Variants in DOP1A observed in about 807,000 individuals in gnomAD.
The protein encoded by DOP1A is DOP1 leucine zipper like protein A, also known as protein DOP1A.
Under a neutral mutation model 267.6 loss-of-function variants are expected in DOP1A, and 90 were observed. The observed-to-expected ratio is 0.34, with a 90% CI of 0.28 to 0.40. The LOEUF (loss-of-function observed/expected upper bound fraction) is 0.40, where lower values mean the gene tolerates loss of function less well. Ranked by LOEUF, DOP1A falls within the 10% of genes least tolerant of loss-of-function variation. The pLI is 1.00. For synonymous variants in DOP1A, 932 were observed against 999.1 expected (o/e 0.93, Z 1.27); for missense variants, 2,437 against 2,900.4 (o/e 0.84, Z 3.67).
chr6:83,071,020 G>A (rs893955800), intron 1 of DOP1A, among the ~76,000 whole-genome samples: 26 of 152,292 alleles, frequency 1.7e-4, no homozygotes, highest in African/African-American at 2.9e-4. Context: ...GGACGTATAC[G>A]TAAAAATAAT....
intron 38 of DOP1A, chr6:83,164,533 A>T (rs1784982554): frequency 2.2e-6 from 2 of 921,338 alleles, no homozygotes; most frequent in Non-Finnish European, 3.4e-6. Flanking sequence ...AATTTGTCCC[A>T]CAGAATAAGA....
intron 38 of DOP1A, chr6:83,166,670 G>T (rs1265283804): frequency 7.9e-7 from 1 of 1,270,278 alleles, no homozygotes; most frequent in Non-Finnish European, 1.0e-6. Context: ...CCGCAATTAC[G>T]TTTGCACCAA....
chr6:83,086,328 A>G (rs746369707), intron 1 of DOP1A, among the ~76,000 whole-genome samples: 2 of 152,202 alleles, frequency 1.3e-5, no homozygotes, highest in Non-Finnish European at 2.9e-5. Context: ...AAGAGAAAAT[A>G]TATGTACTGT....
At chr6:83,132,384 CAAA>C (rs1778203020) in intron 18 of DOP1A, 56 bp downstream of exon 18, 1 of 909,286 alleles carries the variant, frequency 1.1e-6, no homozygotes, top group East Asian at 3.8e-5. Context: ...CACACACACA[CAAA>C]TACTGAAAAG....
intron 24 of DOP1A, among the ~76,000 whole-genome samples, chr6:83,144,423 AT>A (rs1780147633): frequency 6.6e-6 from 1 of 152,170 alleles, no homozygotes; most frequent in Non-Finnish European, 1.5e-5. Flanking sequence ...TGAATATGTA[AT>A]TAGAGATTTA....
At chr6:83,104,688 A>T (rs965567514) in intron 4 of DOP1A, among the ~76,000 whole-genome samples, 1 of 152,038 alleles carries the variant, frequency 6.6e-6, no homozygotes, top group African/African-American at 2.4e-5. Context: ...GTCAGTTTTA[A>T]TAAGTTTTTT....
intron 26 of DOP1A, among the ~76,000 whole-genome samples, chr6:83,148,369 G>A (rs902424343): frequency 5.9e-5 from 9 of 152,050 alleles, no homozygotes; most frequent in Non-Finnish European, 8.8e-5. Flanking sequence ...AGCCGAGATC[G>A]CGCTACTGTG....
chr6:83,147,661 G>T (rs745551435), intron 26 of DOP1A, among the ~76,000 whole-genome samples: 1 of 152,112 alleles, frequency 6.6e-6, no homozygotes, highest in Admixed American at 6.5e-5. Flanking sequence ...CAGAAGTTAT[G>T]ATTTGAGTTT....
At chr6:83,120,145 T>C (rs370823468) in intron 9 of DOP1A, among the ~76,000 whole-genome samples, 124 of 152,114 alleles carry the variant, frequency 8.2e-4, no homozygotes, top group African/African-American at 2.5e-3. Context: ...GTTGGAGCTT[T>C]TCCAAAAATG....
chr6:83,128,901 T>C lies in DOP1A; in HGVS notation c.1734T>C (p.Ser578=). 1.3e-6 allele frequency: 2 copies of C among 1,522,578 alleles called. No individual in the cohort carries two copies. The highest frequency in any genetic ancestry group is 1.8e-6 in the Non-Finnish European group (2 of 1,136,506). 94.3% of individuals were successfully genotyped at this position (1,522,578 alleles called of 1,614,324 possible). ...EWEDKKVSSV[S]HENPTEVFED... The stretch of plus-strand genomic sequence containing the variant: ...ATCTCTAACAGGTATCATCAGTTTC[T>C]CATGAAAATCCTACTGAAGTGTTTG... The change falls in exon 16 of 39, where the codon TCT becomes TCC. Residue 578 remains serine, a synonymous_variant. Transcript: ENST00000349129.
intron 36 of DOP1A, among the ~76,000 whole-genome samples, chr6:83,159,020 C>A (rs969330633): frequency 6.6e-6 from 1 of 152,016 alleles, no homozygotes; most frequent in Non-Finnish European, 1.5e-5. Flanking sequence ...TACTTTTATT[C>A]TTTTTAATAG....
chr6:83,110,593 A>G (rs551453961), intron 6 of DOP1A, among the ~76,000 whole-genome samples: 2 of 152,318 alleles, frequency 1.3e-5, no homozygotes, highest in South Asian at 4.1e-4. Context: ...TTATGTGAGA[A>G]GATGTACTAA....
intron 1 of DOP1A, among the ~76,000 whole-genome samples, chr6:83,086,907 A>ATTTTAG (rs143434086): frequency 0.028 from 4,294 of 152,076 alleles, 149 homozygotes; most frequent in East Asian, 0.082. Context: ...ATGGGTTTTA[A>ATTTTAG]TTTTAGTTTT....
Position 83,139,228 on chromosome 6 carries a change from G to A in DOP1A, c.5120+66G>A, listed in dbSNP as rs115984870. 1,447 of 1,258,158 alleles carry A rather than the reference G, an allele frequency of 1.2e-3. 16 individuals are homozygous for A. The African/African-American group carries it at 0.019, about 17-fold the overall frequency. 77.9% of individuals were successfully genotyped at this position (1,258,158 alleles called of 1,614,324 possible). The stretch of plus-strand genomic sequence containing the variant: ...CACATATATGACTGCTTAATGTCTG[G>A]AAAGTTGGTCACAACTTGAGTAAAT... On this transcript the variant is annotated intron_variant, in intron 21 of 38. Transcript: ENST00000349129.
chr6:83,083,574 C>T (rs1768533470), intron 1 of DOP1A, among the ~76,000 whole-genome samples: 1 of 152,082 alleles, frequency 6.6e-6, no homozygotes, highest in African/African-American at 2.4e-5. Flanking sequence ...ATATCTACCT[C>T]ATGGATGTAT....
At position 83,090,093 on chromosome 6, in the gene DOP1A, AAC is replaced by A. The variant is rs541948618; in HGVS notation, c.-146-6636_-146-6635del. On this transcript the variant is annotated intron_variant, in intron 1 of 38. Coordinates refer to ENST00000349129, the MANE Select transcript of DOP1A (RefSeq NM_015018.4). ...TTATAACTTACTACCCCTCTTAATT[AAC>A]ATACTTGCTTCCCAGTGTTGTTTTG... is the stretch of plus-strand genomic sequence containing the variant. Among the ~76,000 whole-genome samples, 156 of 152,322 alleles carry A rather than the reference AAC, an allele frequency of 1.0e-3. 1 individual carries two copies. The highest frequency in any genetic ancestry group is 3.1e-3 in the African/African-American group (128 of 41,592).
At chr6:83,144,250 A>T (rs904371991) in intron 24 of DOP1A, among the ~76,000 whole-genome samples, 6 of 152,200 alleles carry the variant, frequency 3.9e-5, no homozygotes, top group Non-Finnish European at 8.8e-5. Flanking sequence ...AAGCAAGGGG[A>T]ATCTCTGGGA....
At chr6:83,096,579 A>G (rs1771554946) in intron 1 of DOP1A, 152 bp from the exon 2 acceptor site, 2 of 389,792 alleles carry the variant, frequency 5.1e-6, no homozygotes, top group Non-Finnish European at 9.0e-6. Context: ...GTATTTTAGG[A>G]TCAAAACAAA....
chr6:83,088,526 G>A (rs1179103800), intron 1 of DOP1A, among the ~76,000 whole-genome samples: 1 of 149,884 alleles, frequency 6.7e-6, no homozygotes, highest in East Asian at 2.0e-4. Flanking sequence ...AGGTTCAAGC[G>A]ATTCTCCTGC....
Sources: allele counts gnomAD v4.1 joint callset (sites outside exome capture counted in the v4.1 genomes callset), GRCh38; gene constraint gnomAD v4.1.1; transcripts MANE v1.5; gene names NCBI Gene and HGNC (gene_info 2026-07-23, HGNC 2026-07-21).